The following ZNF316 variants were observed in gnomAD, a reference collection of about 807,000 sequenced individuals.
ZNF316 encodes the protein zinc finger protein 316.
In ZNF316, 23 loss-of-function variants were observed where a neutral mutation model predicts 75.6. That is an observed-to-expected ratio of 0.30 (90% CI 0.22 to 0.43). ZNF316 has a LOEUF of 0.43. Among genes scored for constraint, ZNF316 ranks in the 20% least tolerant of loss-of-function variants. ZNF316 has a pLI of 1.00. For synonymous variants in ZNF316, 827 were observed against 666.2 expected (o/e 1.24, Z -3.72); for missense variants, 1,266 against 1,409.4 (o/e 0.90, Z 1.63).
chr7:6,644,431 G>A (rs2115310544), intron 7 of ZNF316, 49 bp from the exon 8 acceptor site: 2 of 1,065,034 alleles, frequency 1.9e-6, no homozygotes, highest in South Asian at 9.6e-5. Context: ...TGCAGGGCAG[G>A]GGAGGGCCCA....
chr7:6,644,741 G>C, intron 8 of ZNF316, 148 bp downstream of exon 8: 1 of 410,662 alleles, frequency 2.4e-6, no homozygotes. Context: ...GGTGGTTCAA[G>C]TTCCAGAAAG....
chr7:6,651,547 A>C (rs1452242363), intron 8 of ZNF316, among the ~76,000 whole-genome samples: 2 of 151,776 alleles, frequency 1.3e-5, no homozygotes, highest in African/African-American at 4.8e-5. Flanking sequence ...CCCAGCTACT[A>C]GGGAGTCTGA....
In ZNF316 at chr7:6,652,898, C is replaced by T. The variant is rs1583447008; in HGVS notation, c.1302C>T (p.Cys434=). Residue 434 remains cysteine (C), a synonymous_variant, in exon 9 of 9, where the codon TGC becomes TGT. Transcript: ENST00000382252. ...TGERPYRCAF[C]GAGFGRRSYL... The stretch of plus-strand genomic sequence containing the variant: ...AGCGGCCCTACCGCTGCGCCTTCTG[C>T]GGCGCGGGCTTCGGGCGCCGCTCCT... 10 of 1,240,598 alleles carry T rather than the reference C, an allele frequency of 8.1e-6. No individual in the cohort carries two copies. The Admixed American group carries it at 3.3e-4, about 42-fold the overall frequency. The allele number at this position is 1,240,598 out of a possible 1,614,324, so 76.8% of individuals were successfully genotyped here.
rs1779659290 is a variant in ZNF316, at chr7:6,658,246, G to C, written c.*3635G>C. Among the ~76,000 whole-genome samples the C allele has an allele frequency of 6.6e-6, 1 of 151,704 alleles. No individual in the cohort carries two copies. The highest frequency in any genetic ancestry group is 1.9e-4 in the East Asian group (1 of 5,184). On this transcript the variant is annotated 3_prime_UTR_variant, in exon 9 of 9. Coordinates refer to ENST00000382252, the MANE Select transcript of ZNF316 (RefSeq NM_001278559.2). ...TGGAATAAAGTATTTTGAATTACTGGGTTATATCTATTAAATAAAGCTTTA... is the reference window on the plus strand; with the variant it reads ...TGGAATAAAGTATTTTGAATTACTGCGTTATATCTATTAAATAAAGCTTTA...
At position 6,653,017 on chromosome 7, in the gene ZNF316, G is replaced by A; in HGVS notation, c.1421G>A (p.Arg474Gln). The change falls in exon 9 of 9, where the codon CGG becomes CAG. Residue 474 changes from arginine (R) to glutamine (Q), a missense_variant. Coordinates refer to ENST00000382252, the MANE Select transcript of ZNF316 (RefSeq NM_001278559.2). ...TTCAGCCAGAGCTCGGCGCTGGCAC[G>A]GCACCAGGCGGTGCACACGGCCGAC... The part of the protein sequence containing the change: ...RSFSQSSALA[R>Q]HQAVHTADRP... 2.4e-6 allele frequency: 3 copies of A among 1,226,702 alleles called. No individual in the cohort carries two copies. The highest frequency in any genetic ancestry group is 3.0e-6 in the Non-Finnish European group (3 of 984,426). 76.0% of individuals were successfully genotyped at this position (1,226,702 alleles called of 1,614,324 possible). A position where few individuals can be genotyped will look rare whatever the true frequency, so the allele number is the denominator to read the frequency against.
chr7:6,647,077 G>A (rs1333366043), intron 8 of ZNF316, among the ~76,000 whole-genome samples: 1 of 152,246 alleles, frequency 6.6e-6, no homozygotes, highest in African/African-American at 2.4e-5. Context: ...GAATGTGCCT[G>A]GAGAAAATTG....
At chr7:6,643,170 C>A in intron 6 of ZNF316, 97 bp downstream of exon 6, 1 of 1,227,114 alleles carries the variant, frequency 8.1e-7, no homozygotes, top group Non-Finnish European at 1.0e-6. Context: ...TGGCAGCGGC[C>A]ATGGCACTGG....
chr7:6,645,311 G>C (rs1381558460), intron 8 of ZNF316, among the ~76,000 whole-genome samples: 1 of 152,232 alleles, frequency 6.6e-6, no homozygotes, highest in South Asian at 2.1e-4. Context: ...CTGCCCCACA[G>C]GTGTCTGGTT....
intron 3 of ZNF316, among the ~76,000 whole-genome samples, 168 bp from the exon 4 acceptor site, chr7:6,641,657 C>G (rs892319397): frequency 1.3e-5 from 2 of 152,266 alleles, no homozygotes; most frequent in African/African-American, 4.8e-5. Context: ...AGTCAGCCCT[C>G]AAGAGTCTCT....
At chr7:6,646,664 T>C (rs559252457) in intron 8 of ZNF316, among the ~76,000 whole-genome samples, 4 of 152,034 alleles carry the variant, frequency 2.6e-5, no homozygotes, top group Admixed American at 2.0e-4. Flanking sequence ...ATGTGATCCA[T>C]AGCCTGTGTA....
Position 6,653,360 on chromosome 7 carries a change from C to A in ZNF316, c.1764C>A (p.Gly588=). ...AGCTGGGCAACGGCCTGGGGGAGGG[C>A]GAAGGCCCCTCCTCCCACCCGCTGG... ...FLELGNGLGE[G]EGPSSHPLGF... is the part of the protein sequence containing the mutation. The change falls in exon 9 of 9, where the codon GGC becomes GGA. Residue 588 remains glycine, a synonymous_variant. Transcript: ENST00000382252. 1 of 1,226,092 alleles carries A rather than the reference C, an allele frequency of 8.2e-7. No homozygotes were observed. Among genetic ancestry groups the A allele is most frequent in the Non-Finnish European group, 1.0e-6 (1 of 984,886 alleles). The allele number at this position is 1,226,092 out of a possible 1,614,324, so 76.0% of individuals were successfully genotyped here. A position where few individuals can be genotyped will look rare whatever the true frequency, so the allele number is the denominator to read the frequency against.
In ZNF316 at chr7:6,656,477, G is replaced by C. The variant is rs545000369; in HGVS notation, c.*1866G>C. Reference sequence around the variant, plus strand: ...CTGTCGCCACTCCTGGGAACCCGTCGGGGAGGCTCTGCGCGGCCTCAGGTC... The same window carrying C: ...CTGTCGCCACTCCTGGGAACCCGTCCGGGAGGCTCTGCGCGGCCTCAGGTC... On this transcript the variant is annotated 3_prime_UTR_variant, in exon 9 of 9. Coordinates refer to ENST00000382252, the MANE Select transcript of ZNF316 (RefSeq NM_001278559.2). 3.3e-5 allele frequency: 5 copies of C among 152,314 alleles called. No homozygotes were observed. 9.4% of individuals were successfully genotyped at this position (152,314 alleles called of 1,614,324 possible).
intron 2 of ZNF316, among the ~76,000 whole-genome samples, chr7:6,638,528 C>T (rs1779259341): frequency 6.6e-6 from 1 of 152,220 alleles, no homozygotes; most frequent in Non-Finnish European, 1.5e-5. Flanking sequence ...CAAGCTTTGC[C>T]TCTTCTTCCT....
chr7:6,653,114 C>T lies in ZNF316; in HGVS notation c.1518C>T (p.Gly506=), dbSNP rs965999161. The T allele has an allele frequency of 9.4e-6, 11 of 1,165,710 alleles. No individual in the cohort carries two copies. The African/African-American group carries it at 9.8e-5, about 10-fold the overall frequency. 72.2% of individuals were successfully genotyped at this position (1,165,710 alleles called of 1,614,324 possible). A position where few individuals can be genotyped will look rare whatever the true frequency, so the allele number is the denominator to read the frequency against. ...CCGACTTCCAGCGCCACCGACGCGG[C>T]GGGGGCTGCGCGGAGGCGGGTGGTG... ...LRADFQRHRR[G]GGCAEAGGDG... is the part of the protein sequence containing the mutation. The change falls in exon 9 of 9, where the codon GGC becomes GGT. Residue 506 remains glycine, a synonymous_variant. Transcript: ENST00000382252.
chr7:6,646,038 A>G (rs1779397021), intron 8 of ZNF316, among the ~76,000 whole-genome samples: 1 of 149,050 alleles, frequency 6.7e-6, no homozygotes, highest in African/African-American at 2.5e-5. Context: ...GAACTCCCTC[A>G]CTATCATGAG....
rs530411288 is a variant in ZNF316 at position 6,657,559 on chromosome 7, G to A, written c.*2948G>A. ...AGAAAAGTTAAATGAGGCTGGGTGC[G>A]ATGGCTCATGCCTGTAATCCCAGCA... On this transcript the variant is annotated 3_prime_UTR_variant, in exon 9 of 9. Transcript: ENST00000382252. Among the ~76,000 whole-genome samples the A allele has an allele frequency of 4.5e-4, 68 of 152,158 alleles. No homozygotes were observed. The South Asian group carries it at 7.7e-3, about 17-fold the overall frequency.
Position 6,654,265 on chromosome 7 carries a change from C to T in ZNF316, c.2669C>T (p.Pro890Leu). ...GHTGERPFPC[P>L]ECGKRFSQRS... is the part of the protein sequence containing the mutation. ...ACGGGCGAACGCCCCTTCCCGTGCC[C>T]TGAGTGCGGCAAGCGCTTTTCGCAG... The change falls in exon 9 of 9, where the codon CCT becomes CTT. Residue 890 changes from proline (P) to leucine (L), a missense_variant. Coordinates refer to ENST00000382252, the MANE Select transcript of ZNF316 (RefSeq NM_001278559.2). 3 of 1,224,120 alleles carry T rather than the reference C, an allele frequency of 2.5e-6. No individual in the cohort carries two copies. Among genetic ancestry groups the T allele is most frequent in the Admixed American group, 4.3e-5 (1 of 23,326 alleles). 75.8% of individuals were successfully genotyped at this position (1,224,120 alleles called of 1,614,324 possible).
intron 8 of ZNF316, among the ~76,000 whole-genome samples, chr7:6,648,495 G>A (rs940868): frequency 0.087 from 13,314 of 152,252 alleles, 763 homozygotes; most frequent in Middle Eastern, 0.15. Context: ...CACCTGACCC[G>A]GGGAGCAGTG....
intron 8 of ZNF316, among the ~76,000 whole-genome samples, chr7:6,647,816 G>A (rs1330148757): frequency 6.6e-6 from 1 of 152,204 alleles, no homozygotes; most frequent in African/African-American, 2.4e-5. Context: ...CCTCAGTGAT[G>A]TGAGATGTGT....
Sources: allele counts gnomAD v4.1 joint callset (sites outside exome capture counted in the v4.1 genomes callset), GRCh38; gene constraint gnomAD v4.1.1; transcripts MANE v1.5; gene names NCBI Gene and HGNC (gene_info 2026-07-23, HGNC 2026-07-21).